Variants in PDE8B observed in about 807,000 individuals in gnomAD.
PDE8B encodes the protein high affinity cAMP-specific and IBMX-insensitive 3',5'-cyclic phosphodiesterase 8B.
A neutral mutation model predicts 101.3 loss-of-function variants in PDE8B; 26 were observed. That is an observed-to-expected ratio of 0.26 (90% CI 0.19 to 0.36). PDE8B has a LOEUF of 0.36. Among genes scored for constraint, PDE8B ranks in the 10% least tolerant of loss-of-function variants. The probability of loss-of-function intolerance (pLI) is 1.00; values close to 1 mark genes in which losing one functional copy is unlikely to be tolerated. For missense variants in PDE8B, 810 were observed against 1,163.1 expected, an observed-to-expected ratio of 0.70 and a Z score of 4.42; for synonymous variants, 424 against 429.3, an observed-to-expected ratio of 0.99 and a Z score of 0.15.
chr5:77,245,504 A>G (rs938666224), intron 1 of PDE8B, among the ~76,000 whole-genome samples: 5 of 152,216 alleles, frequency 3.3e-5, no homozygotes, highest in African/African-American at 1.2e-4. Context: ...TACAGAAGAC[A>G]AGGCCCAGAC....
chr5:77,391,946 T>C (rs1183240988), intron 10 of PDE8B, among the ~76,000 whole-genome samples: 2 of 152,204 alleles, frequency 1.3e-5, no homozygotes, highest in African/African-American at 4.8e-5. Flanking sequence ...TCATTTGGTA[T>C]CATATAAAAA....
the PDE8B span, among the ~76,000 whole-genome samples, chr5:77,090,047 C>CA: frequency 6.6e-6 from 1 of 152,072 alleles, no homozygotes; most frequent in East Asian, 1.9e-4. Flanking sequence ...CACAGAAAGG[C>CA]AAAAATCACA....
At chr5:77,096,198 A>T in the PDE8B span, among the ~76,000 whole-genome samples, 1 of 152,148 alleles carries the variant, frequency 6.6e-6, no homozygotes, top group Non-Finnish European at 1.5e-5. Context: ...CTTTGTTGGC[A>T]GGCTGGTCTT....
intron 1 of PDE8B, among the ~76,000 whole-genome samples, chr5:77,242,907 C>T (rs777365704): frequency 6.6e-6 from 1 of 152,152 alleles, no homozygotes; most frequent in Admixed American, 6.5e-5. Flanking sequence ...ACCTTGTGAT[C>T]CGCCTGTCTC....
chr5:77,306,834 TGG>T (rs1771331827), intron 1 of PDE8B, among the ~76,000 whole-genome samples: 1 of 152,220 alleles, frequency 6.6e-6, no homozygotes. Flanking sequence ...GGTTGTATCG[TGG>T]AGTTCCCTTT....
intron 19 of PDE8B, among the ~76,000 whole-genome samples, chr5:77,420,687 T>G (rs1015210010): frequency 6.6e-6 from 1 of 152,084 alleles, no homozygotes; most frequent in African/African-American, 2.4e-5. Flanking sequence ...CCCCAGGGAT[T>G]CCACAGCACA....
chr5:77,341,834 G>A (rs140985619), intron 6 of PDE8B, among the ~76,000 whole-genome samples: 218 of 152,330 alleles, frequency 1.4e-3, no homozygotes, highest in African/African-American at 4.9e-3. Context: ...GTGTTTACAA[G>A]TGGTGGTACT....
rs536928419 is a variant in PDE8B, at chr5:77,219,822, C to T, written c.339+8558C>T. Among the ~76,000 whole-genome samples the T allele has an allele frequency of 1.4e-4, 22 of 152,280 alleles. No individual in the cohort carries two copies. In the South Asian group the frequency reaches 4.6e-3, roughly 32 times the overall value. On this transcript the variant is annotated intron_variant, in intron 1 of 21. Coordinates refer to ENST00000264917, the MANE Select transcript of PDE8B (RefSeq NM_003719.5). Reference sequence around the variant, plus strand: ...AGTTGGAACTAGAAGTCTCTTTCCCCCACAGTCGAGAGTGTGATGCTCAAA... The same window carrying T: ...AGTTGGAACTAGAAGTCTCTTTCCCTCACAGTCGAGAGTGTGATGCTCAAA...
chr5:77,140,348 GT>G, the PDE8B span: 1 of 152,010 alleles, frequency 6.6e-6, no homozygotes, highest in East Asian at 1.9e-4. Context: ...CTCAATTCCA[GT>G]TGCCTTCCTT....
the PDE8B span, among the ~76,000 whole-genome samples, chr5:77,195,940 C>A: frequency 6.6e-6 from 1 of 152,138 alleles, no homozygotes. Context: ...AGTGGACCCA[C>A]AAAGTTGAAA....
chr5:77,169,824 A>G, the PDE8B span, among the ~76,000 whole-genome samples: 1 of 152,158 alleles, frequency 6.6e-6, no homozygotes, highest in Non-Finnish European at 1.5e-5. Flanking sequence ...AGCTTGGGAT[A>G]ATCAAACTGT....
intron 16 of PDE8B, 66 bp from the exon 17 acceptor site, chr5:77,413,045 C>A: frequency 7.5e-7 from 1 of 1,328,648 alleles, no homozygotes; most frequent in Non-Finnish European, 1.1e-6. Context: ...GCCCCACTAT[C>A]ATCAAAGAAA....
rs1581660025 is a variant in PDE8B at position 77,425,754 on chromosome 5, T to C, written c.2419-13T>C. On this transcript the variant is annotated splice_polypyrimidine_tract_variant and intron_variant, in intron 20 of 21. Coordinates refer to ENST00000264917, the MANE Select transcript of PDE8B (RefSeq NM_003719.5). ...CATGTCCTCCAGCCCTATGTGGTGGTTTTTTCTTACAGACTGATGAAGAGA... is the reference window on the plus strand; with the variant it reads ...CATGTCCTCCAGCCCTATGTGGTGGCTTTTTCTTACAGACTGATGAAGAGA... 10 of 1,613,334 alleles carry C rather than the reference T, an allele frequency of 6.2e-6. No homozygotes were observed. The highest frequency in any genetic ancestry group is 2.7e-5 in the African/African-American group (2 of 74,826).
chr5:77,150,005 G>T, the PDE8B span, among the ~76,000 whole-genome samples: 2 of 152,122 alleles, frequency 1.3e-5, no homozygotes, highest in Admixed American at 1.3e-4. Flanking sequence ...ATGAGCATGT[G>T]GGGTAAATTC....
At chr5:77,090,702 T>G in the PDE8B span, among the ~76,000 whole-genome samples, 1 of 152,226 alleles carries the variant, frequency 6.6e-6, no homozygotes, top group Non-Finnish European at 1.5e-5. Flanking sequence ...AAGACATCCA[T>G]GTTGTTGCAA....
At chr5:77,194,428 G>A in the PDE8B span, among the ~76,000 whole-genome samples, 4 of 151,944 alleles carry the variant, frequency 2.6e-5, no homozygotes, top group East Asian at 7.7e-4. Context: ...TTTTTATTGT[G>A]GTAAAATACC....
At chr5:77,288,839 C>CTTTT (rs55906951) in intron 1 of PDE8B, among the ~76,000 whole-genome samples, 26 of 128,340 alleles carry the variant, frequency 2.0e-4, no homozygotes, top group Admixed American at 3.2e-4. Context: ...CTGCCCCCAT[C>CTTTT]TTTTTTTTTT....
At chr5:77,291,338 G>A (rs775299141) in intron 1 of PDE8B, 37 of 1,612,350 alleles carry the variant, frequency 2.3e-5, no homozygotes, top group East Asian at 4.5e-5. Context: ...TTGGAGCAGC[G>A]GAAGAAGCAA....
chr5:77,339,144 G>GTCTTATCAGATTCAGA (rs1274161005), intron 6 of PDE8B, among the ~76,000 whole-genome samples: 2 of 152,264 alleles, frequency 1.3e-5, no homozygotes, highest in African/African-American at 4.8e-5. Context: ...ACTTTTTAAG[G>GTCTTATCAGATTCAGA]TCTTATCAGA....
Sources: gnomAD v4.1 joint callset for allele counts (sites outside exome capture counted in the v4.1 genomes callset) on GRCh38, gnomAD v4.1.1 for gene constraint, MANE v1.5 for transcripts, NCBI Gene and HGNC (gene_info 2026-07-23, HGNC 2026-07-21) for gene names.